TNKS: variants seen among roughly 807,000 people sequenced by gnomAD.
TNKS encodes the protein tankyrase, also known as poly [ADP-ribose] polymerase tankyrase-1.
TNKS carries 72 observed loss-of-function variants against 135.8 expected under a neutral mutation model. That is an observed-to-expected ratio of 0.53 (90% CI 0.44 to 0.64). TNKS has a LOEUF of 0.64. TNKS is among the 30% of genes least tolerant of loss of function. The pLI is 0.00. For missense variants in TNKS, 1,769 were observed against 1,674.0 expected (o/e 1.06, Z -0.99); for synonymous variants, 849 against 649.3 (o/e 1.31, Z -4.68).
chr8:9,556,522 G>C lies in TNKS; in HGVS notation c.583G>C (p.Val195Leu). 1.9e-6 allele frequency: 3 copies of C among 1,614,180 alleles called. No homozygotes were observed. Among genetic ancestry groups the C allele is most frequent in the South Asian group, 2.2e-5 (2 of 91,088 alleles). The part of the protein sequence containing the change: ...ELLEACRNGD[V>L]SRVKRLVDAA... ...GCTGGAGGCCTGTCGCAATGGGGAC[G>C]TGTCCCGGGTAAAGAGGCTGGTGGA... Residue 195 changes from valine to leucine, a missense_variant, in exon 1 of 27, where the codon GTG becomes CTG. Around this residue, in one of 5 missense-constraint regions of TNKS, gnomAD observed 450 missense variants for 304.9 expected, o/e 1.48. Coordinates refer to ENST00000310430, the MANE Select transcript of TNKS (RefSeq NM_003747.3).
chr8:9,648,211 A>T (rs1178133376), intron 3 of TNKS, among the ~76,000 whole-genome samples: 1 of 152,154 alleles, frequency 6.6e-6, no homozygotes, highest in East Asian at 1.9e-4. Context: ...CATTAGATTT[A>T]TTTAAAAAAA....
At chr8:9,773,244 T>C (rs1808041891) in intron 26 of TNKS, among the ~76,000 whole-genome samples, 3 of 152,074 alleles carry the variant, frequency 2.0e-5, no homozygotes, top group Admixed American at 6.6e-5. Flanking sequence ...CTTATCACAA[T>C]AAAAAATTTA....
intron 1 of TNKS, chr8:9,575,432 C>T (rs1017562546): frequency 1.1e-5 from 11 of 984,832 alleles, no homozygotes; most frequent in Non-Finnish European, 1.3e-5. Context: ...GATATCTAGA[C>T]TTATTCTAAA....
At chr8:9,582,689 G>A (rs572215125) in intron 2 of TNKS, among the ~76,000 whole-genome samples, 50 of 152,180 alleles carry the variant, frequency 3.3e-4, no homozygotes, top group Non-Finnish European at 6.6e-4. Flanking sequence ...GTTCCTGAGA[G>A]GATAAGCTAG....
At chr8:9,615,463 T>C in intron 2 of TNKS, 119 bp from the exon 3 acceptor site, 1 of 733,372 alleles carries the variant, frequency 1.4e-6, no homozygotes, top group Non-Finnish European at 2.0e-6. Context: ...TTTTTTTTCT[T>C]GAAAGAGAAA....
At chr8:9,729,751 C>T (rs530886596) in intron 13 of TNKS, among the ~76,000 whole-genome samples, 2 of 149,676 alleles carry the variant, frequency 1.3e-5, no homozygotes, top group African/African-American at 4.9e-5. Context: ...ATAATTTCCT[C>T]ACTGAAAGAA....
intron 3 of TNKS, among the ~76,000 whole-genome samples, chr8:9,625,655 A>G (rs905302159): frequency 1.3e-5 from 2 of 152,100 alleles, no homozygotes; most frequent in East Asian, 3.8e-4. Context: ...CCCACAGACT[A>G]TTTAGAGTAT....
intron 3 of TNKS, among the ~76,000 whole-genome samples, chr8:9,678,262 AT>A (rs151107701): frequency 0.072 from 10,908 of 152,266 alleles, 431 homozygotes; most frequent in South Asian, 0.16. Flanking sequence ...GGCATGGGTT[AT>A]GCCATTTTCC....
chr8:9,669,102 CATAA>C (rs1802142040), intron 3 of TNKS, among the ~76,000 whole-genome samples: 2 of 152,064 alleles, frequency 1.3e-5, no homozygotes, highest in African/African-American at 4.8e-5. Context: ...AGAAAAAGTA[CATAA>C]ATAAATTGTA....
chr8:9,721,942 A>G (rs1359732042), intron 12 of TNKS, among the ~76,000 whole-genome samples: 3 of 151,802 alleles, frequency 2.0e-5, no homozygotes, highest in Admixed American at 6.6e-5. Context: ...AATTCCAGCT[A>G]CTCGGGAGCC....
chr8:9,708,310 T>C, intron 8 of TNKS, 61 bp from the exon 9 acceptor site: 2 of 1,354,180 alleles, frequency 1.5e-6, no homozygotes, highest in East Asian at 2.5e-5. Flanking sequence ...TTTATAATCA[T>C]GCTGAAGATT....
intron 3 of TNKS, among the ~76,000 whole-genome samples, chr8:9,676,742 C>G (rs1049881459): frequency 7.4e-5 from 11 of 148,694 alleles, no homozygotes; most frequent in African/African-American, 2.8e-4. Flanking sequence ...TTGCTTCTTT[C>G]ATATCATTAC....
chr8:9,690,378 A>G (rs1325841820), intron 5 of TNKS, among the ~76,000 whole-genome samples: 5 of 152,190 alleles, frequency 3.3e-5, no homozygotes, highest in Non-Finnish European at 5.9e-5. Context: ...TTCTTGTTCA[A>G]TCTTATCTGC....
chr8:9,635,557 C>G (rs567549844), intron 3 of TNKS, among the ~76,000 whole-genome samples: 1 of 152,156 alleles, frequency 6.6e-6, no homozygotes, highest in Non-Finnish European at 1.5e-5. Context: ...AGCATGATTG[C>G]TCATAGATTG....
intron 26 of TNKS, among the ~76,000 whole-genome samples, chr8:9,775,332 T>C (rs1022315247): frequency 1.1e-4 from 16 of 151,650 alleles, no homozygotes; most frequent in African/African-American, 3.1e-4. Flanking sequence ...AGACTTCAGA[T>C]TGGAAAGTCA....
At chr8:9,680,680 G>T in intron 4 of TNKS, 45 bp from the exon 5 acceptor site, 1 of 1,382,060 alleles carries the variant, frequency 7.2e-7, no homozygotes, top group Non-Finnish European at 1.0e-6. Flanking sequence ...ATATTCATAA[G>T]AAGCTTTGTA....
At chr8:9,760,561 A>G (rs969112170) in intron 20 of TNKS, among the ~76,000 whole-genome samples, 4 of 152,188 alleles carry the variant, frequency 2.6e-5, no homozygotes, top group African/African-American at 9.7e-5. Flanking sequence ...AGGCAGGGGA[A>G]AATCAAAGAC....
Position 9,759,790 on chromosome 8 carries a change from C to T in TNKS, c.3154-1726C>T, listed in dbSNP as rs562697350. Among the ~76,000 whole-genome samples, 95 of 151,996 alleles carry T rather than the reference C, an allele frequency of 6.3e-4. 1 individual carries two copies. Among genetic ancestry groups the T allele is most frequent in the East Asian group, 4.7e-3 (24 of 5,138 alleles). On this transcript the variant is annotated intron_variant, in intron 20 of 26. Transcript: ENST00000310430. ...GAGATCGAGACCATCCTGGCTAACACGGTGAAACCCCATCTCTACTAAAAA... is the reference window on the plus strand; with the variant it reads ...GAGATCGAGACCATCCTGGCTAACATGGTGAAACCCCATCTCTACTAAAAA...
intron 3 of TNKS, among the ~76,000 whole-genome samples, chr8:9,645,007 G>T (rs1448677932): frequency 6.6e-6 from 1 of 152,128 alleles, no homozygotes; most frequent in Non-Finnish European, 1.5e-5. Context: ...TGTATCATGG[G>T]TTTGGTGTAT....
Sources: allele counts gnomAD v4.1 joint callset (sites outside exome capture counted in the v4.1 genomes callset), GRCh38; gene constraint gnomAD v4.1.1; regional missense constraint gnomAD v4.1.1; transcripts MANE v1.5; gene names NCBI Gene and HGNC (gene_info 2026-07-23, HGNC 2026-07-21).